The following PRH1 variants were observed in gnomAD, a reference collection of about 807,000 sequenced individuals.
PRH1 encodes salivary acidic proline-rich phosphoprotein 1/2.
A neutral mutation model predicts 7.9 loss-of-function variants in PRH1; 7 were observed. The ratio of observed to expected loss-of-function variants is 0.89; its 90% CI spans 0.50 to 1.67. The LOEUF is 1.67. Among genes scored for constraint, PRH1 ranks in the 40% most tolerant of loss-of-function variants. The pLI is 0.00. For synonymous variants in PRH1, 45 were observed against 80.8 expected (o/e 0.56, Z 2.38); for missense variants, 109 against 223.6 (o/e 0.49, Z 3.27).
At chr12:11,170,274 CTG>C (rs1172817943) in intron 1 of PRH1, among the ~76,000 whole-genome samples, 1 of 152,202 alleles carries the variant, frequency 6.6e-6, no homozygotes, top group African/African-American at 2.4e-5. Context: ...AGGCCGGGCG[CTG>C]TGGCTCACGC....
At chr12:11,059,712 T>C (rs1943507486) in intron 1 of PRH1, among the ~76,000 whole-genome samples, 2 of 152,206 alleles carry the variant, frequency 1.3e-5, no homozygotes, top group African/African-American at 2.4e-5. Context: ...AATTGTGGAA[T>C]AGCCAAACTT....
chr12:11,021,400 A>G (rs956114894), intron 1 of PRH1, among the ~76,000 whole-genome samples: 4,758 of 53,468 alleles, frequency 0.089, no homozygotes, highest in East Asian at 0.22. Flanking sequence ...TATACAATGA[A>G]CTATAATAAA....
At chr12:11,134,805 T>G (rs1946498611) in intron 1 of PRH1, among the ~76,000 whole-genome samples, 1 of 152,152 alleles carries the variant, frequency 6.6e-6, no homozygotes, top group Admixed American at 6.5e-5. Context: ...ATCAAAAGCA[T>G]CTAAGATTTA....
In PRH1 at chr12:11,106,155, T is replaced by C. The variant is rs1217856229; in HGVS notation, n.124-58967A>G. Among the ~76,000 whole-genome samples, 2 of 120,028 alleles carry C rather than the reference T, an allele frequency of 1.7e-5. 1 individual carries two copies. Among genetic ancestry groups the C allele is most frequent in the Admixed American group, 1.7e-4 (2 of 11,730 alleles). 78.7% of individuals were successfully genotyped at this position (120,028 alleles called of 152,430 possible). On this transcript the variant is annotated intron_variant and non_coding_transcript_variant, in intron 1 of 4. Transcript: ENST00000541977. ...CGGGGTTTCACCGTGTTAGCCAGGA[T>C]GGTCTCGATCTCCTGACCTCGTGAT...
At chr12:11,129,977 C>CCCAG (rs1334084844) in intron 1 of PRH1, among the ~76,000 whole-genome samples, 8 of 152,202 alleles carry the variant, frequency 5.3e-5, no homozygotes, top group Admixed American at 4.6e-4. Flanking sequence ...ACGGTGACAT[C>CCCAG]CCAGCCCTAC....
chr12:11,113,637 T>C (rs142864998), intron 1 of PRH1, among the ~76,000 whole-genome samples: 22 of 152,286 alleles, frequency 1.4e-4, no homozygotes, highest in African/African-American at 5.3e-4. Flanking sequence ...GGCAATACCA[T>C]TCAGGACGTA....
chr12:10,968,346 T>C (rs1003291202), intron 2 of PRH1, among the ~76,000 whole-genome samples: 2 of 152,234 alleles, frequency 1.3e-5, no homozygotes, highest in Admixed American at 6.5e-5. Context: ...CCCATAATGA[T>C]ATTCTTTATT....
intron 1 of PRH1, chr12:11,134,447 G>A: frequency 1.7e-6 from 1 of 601,956 alleles, no homozygotes; most frequent in East Asian, 2.9e-5. Context: ...TCTCTTTATG[G>A]AAAACATTCT....
intron 1 of PRH1, among the ~76,000 whole-genome samples, chr12:11,135,217 G>A (rs1156557222): frequency 1.3e-5 from 2 of 152,004 alleles, no homozygotes; most frequent in Non-Finnish European, 2.9e-5. Flanking sequence ...CCCATCACAC[G>A]AAGACTGACT....
intron 1 of PRH1, chr12:11,061,272 C>G: frequency 6.6e-7 from 1 of 1,507,486 alleles, no homozygotes; most frequent in Non-Finnish European, 8.9e-7. Flanking sequence ...TATTCATATA[C>G]ATACATTACA....
At chr12:11,105,945 T>A (rs1945400209) in intron 1 of PRH1, among the ~76,000 whole-genome samples, 1 of 43,350 alleles carries the variant, frequency 2.3e-5, no homozygotes, top group Non-Finnish European at 7.1e-5. Context: ...TCTTTTTTTT[T>A]TTTTTTTTTT....
At chr12:10,914,789 ACT>A (rs1169740012) in intron 2 of PRH1, among the ~76,000 whole-genome samples, 1 of 152,216 alleles carries the variant, frequency 6.6e-6, no homozygotes. Flanking sequence ...GGAAGAGGCA[ACT>A]GCTTCTCAAC....
chr12:11,164,023 A>C (rs1248590536), intron 1 of PRH1, among the ~76,000 whole-genome samples: 3 of 151,926 alleles, frequency 2.0e-5, no homozygotes, highest in Non-Finnish European at 4.4e-5. Flanking sequence ...ATATACTCCT[A>C]GGAATCACCC....
intron 1 of PRH1, among the ~76,000 whole-genome samples, chr12:11,055,177 G>C (rs907586289): frequency 1.3e-4 from 20 of 151,592 alleles, no homozygotes; most frequent in Admixed American, 1.1e-3. Flanking sequence ...AATATGATTA[G>C]TTAACAGCAT....
chr12:10,983,127 G>A (rs543352413), intron 1 of PRH1, among the ~76,000 whole-genome samples: 3 of 152,178 alleles, frequency 2.0e-5, no homozygotes, highest in Non-Finnish European at 4.4e-5. Flanking sequence ...GGGCATTATA[G>A]GACTCTGTGC....
At chr12:10,929,055 A>G (rs1483807452) in intron 2 of PRH1, among the ~76,000 whole-genome samples, 3 of 152,218 alleles carry the variant, frequency 2.0e-5, no homozygotes, top group Admixed American at 1.3e-4. Flanking sequence ...AATTAGCCAC[A>G]AACAACATCC....
At position 10,997,728 on chromosome 12, in the gene PRH1, C is replaced by T. The variant is rs765824287; in HGVS notation, c.-125-24007G>A. On this transcript the variant is annotated intron_variant, in intron 1 of 3. Transcript: ENST00000539853. ...AAACCAACTCTGGAGACTGCCAGAG[C>T]AGCAATAATTTGATCAGCTGAGGAG... 2.5e-6 allele frequency: 4 copies of T among 1,613,902 alleles called. No individual in the cohort carries two copies. The Admixed American group carries it at 5.0e-5, about 20-fold the overall frequency.
chr12:10,970,563 G>GGT (rs1555118793), intron 2 of PRH1, among the ~76,000 whole-genome samples: 19 of 143,382 alleles, frequency 1.3e-4, no homozygotes, highest in African/African-American at 4.8e-4. Context: ...AAGTTTTTTT[G>GGT]TTTTTTTTTT....
At chr12:11,039,006 A>G (rs1424347159) in intron 1 of PRH1, among the ~76,000 whole-genome samples, 1 of 152,254 alleles carries the variant, frequency 6.6e-6, no homozygotes, top group Non-Finnish European at 1.5e-5. Context: ...GACTTTGAAA[A>G]AATATAATTA....
Sources: gnomAD v4.1 joint callset for allele counts (sites outside exome capture counted in the v4.1 genomes callset) on GRCh38, gnomAD v4.1.1 for gene constraint, MANE v1.5 for transcripts, NCBI Gene and HGNC (gene_info 2026-07-23, HGNC 2026-07-21) for gene names.